DISC1: variants seen among roughly 807,000 people sequenced by gnomAD.
The protein encoded by DISC1 is disrupted in schizophrenia 1 protein.
In DISC1, 57 loss-of-function variants were observed where a neutral mutation model predicts 84.5. That is an observed-to-expected ratio of 0.67 (90% CI 0.55 to 0.84). The LOEUF (loss-of-function observed/expected upper bound fraction) is 0.84. Among genes scored for constraint, DISC1 ranks in the 40% least tolerant of loss-of-function variants. The probability of loss-of-function intolerance (pLI) is 0.00; values close to 1 mark genes in which losing one functional copy is unlikely to be tolerated. For synonymous variants in DISC1, 411 were observed against 415.2 expected, an observed-to-expected ratio of 0.99 and a Z score of 0.12; for missense variants, 1,000 against 1,057.8, an observed-to-expected ratio of 0.95 and a Z score of 0.76.
In DISC1 at chr1:231,767,285, A is replaced by C; in HGVS notation, c.1398+16A>C. 6.2e-7 allele frequency: 1 copy of C among 1,614,090 alleles called. No homozygotes were observed. On this transcript the variant is annotated intron_variant, in intron 5 of 12. Coordinates refer to ENST00000439617, the MANE Select transcript of DISC1 (RefSeq NM_018662.3). ...GCAGCTACAGGTGAGCAGGTGAAAG[A>C]TCTTCAAGAAATATGATGGCATTTT...
At chr1:231,649,100 T>C (rs1094650) in intron 1 of DISC1, among the ~76,000 whole-genome samples, 4,804 of 152,288 alleles carry the variant, frequency 0.032, 245 homozygotes, top group African/African-American at 0.11. Context: ...TTCTACTAGC[T>C]TTTGAATGTG....
At chr1:231,946,862 A>G (rs911684683) in intron 9 of DISC1, among the ~76,000 whole-genome samples, 3 of 152,216 alleles carry the variant, frequency 2.0e-5, no homozygotes, top group African/African-American at 7.2e-5. Flanking sequence ...CATAATTGCT[A>G]CAAAGAGAAT....
intron 4 of DISC1, among the ~76,000 whole-genome samples, chr1:231,751,362 TAACA>T (rs2074584523): frequency 6.6e-6 from 1 of 152,256 alleles, no homozygotes. Context: ...TCTATTTATT[TAACA>T]AACACTTTCA....
At chr1:231,912,919 G>C (rs1306628981) in intron 9 of DISC1, among the ~76,000 whole-genome samples, 2 of 131,184 alleles carry the variant, frequency 1.5e-5, no homozygotes, top group Non-Finnish European at 3.2e-5. Flanking sequence ...CTTTCTTTCT[G>C]TTCTTCTTTT....
intron 9 of DISC1, among the ~76,000 whole-genome samples, chr1:231,932,773 AT>A (rs970819274): frequency 6.6e-6 from 1 of 152,304 alleles, no homozygotes; most frequent in African/African-American, 2.4e-5. Context: ...CTGTGAAGAC[AT>A]TTAAAATTGA....
Position 231,959,010 on chromosome 1 carries a change from A to G in DISC1, c.2042+122A>G, listed in dbSNP as rs574056785. ...TTCTCTAATAAATTAACAAAGAAAG[A>G]CACAAAAAAGCCTTTTGAACCCCAT... is the stretch of plus-strand genomic sequence containing the variant. On this transcript the variant is annotated intron_variant, in intron 10 of 12. Coordinates refer to ENST00000439617, the MANE Select transcript of DISC1 (RefSeq NM_018662.3). 1.3e-4 allele frequency: 183 copies of G among 1,456,868 alleles called. No individual in the cohort carries two copies. The African/African-American group carries it at 2.5e-3, about 20-fold the overall frequency. The allele number at this position is 1,456,868 out of a possible 1,614,324, so 90.2% of individuals were successfully genotyped here.
At chr1:231,690,033 G>T (rs1460963979) in intron 1 of DISC1, among the ~76,000 whole-genome samples, 4 of 152,138 alleles carry the variant, frequency 2.6e-5, no homozygotes, top group Non-Finnish European at 5.9e-5. Flanking sequence ...TTGCTGATCC[G>T]GCTGGTTAAT....
chr1:231,751,212 A>G (rs2074570731), intron 4 of DISC1, among the ~76,000 whole-genome samples: 1 of 152,162 alleles, frequency 6.6e-6, no homozygotes, highest in Non-Finnish European at 1.5e-5. Context: ...CCACTCCCAA[A>G]TTGACTTTCT....
intron 9 of DISC1, among the ~76,000 whole-genome samples, chr1:231,844,995 C>T (rs886845225): frequency 3.3e-5 from 5 of 151,554 alleles, no homozygotes; most frequent in South Asian, 2.1e-4. Context: ...GTCTGGGTTT[C>T]GATAAGGGGT....
intron 9 of DISC1, among the ~76,000 whole-genome samples, chr1:231,926,616 T>C (rs999547119): frequency 6.6e-6 from 1 of 152,216 alleles, no homozygotes; most frequent in African/African-American, 2.4e-5. Flanking sequence ...CAGGGATGAA[T>C]TGACATTTTC....
At chr1:231,990,765 G>C (rs752828126) in intron 10 of DISC1, among the ~76,000 whole-genome samples, 2 of 152,188 alleles carry the variant, frequency 1.3e-5, no homozygotes, top group Admixed American at 6.5e-5. Flanking sequence ...CAGGCCACTA[G>C]CTCTGCTCCT....
In DISC1 at chr1:231,694,141, T is replaced by G. The variant is rs1195601184; in HGVS notation, c.383T>G (p.Leu128Trp). 1 of 1,614,022 alleles carries G rather than the reference T, an allele frequency of 6.2e-7. No homozygotes were observed. Among genetic ancestry groups the G allele is most frequent in the East Asian group, 2.2e-5 (1 of 44,876 alleles). ...ATTCAGCTCAGAGGTGGCACCAGATTGCCTGACAGGCTTAGCTGGCCGTGT... is the reference window on the plus strand; with the variant it reads ...ATTCAGCTCAGAGGTGGCACCAGATGGCCTGACAGGCTTAGCTGGCCGTGT... ...FGIQLRGGTR[L>W]PDRLSWPCGP... Residue 128 changes from leucine to tryptophan, a missense_variant, in exon 2 of 13, where the codon TTG (leucine) becomes TGG (tryptophan). Leu to Trp is a moderately conservative substitution (Grantham distance 61). Transcript: ENST00000439617.
rs1001277319 is a variant in DISC1 at position 232,009,977 on chromosome 1, C to T, written c.2307+928C>T. Among the ~76,000 whole-genome samples the T allele has an allele frequency of 6.6e-6, 1 of 152,178 alleles. No homozygotes were observed. ...GTGGGTGGGGAAATTGCCACCTCCC[C>T]AGGCCAGCCCTGCCAGTCTCACATC... is the stretch of plus-strand genomic sequence containing the variant. On this transcript the variant is annotated intron_variant, in intron 11 of 12. Coordinates refer to ENST00000439617, the MANE Select transcript of DISC1 (RefSeq NM_018662.3). This position sits in a 1 kb window ranked among gnomAD's most constrained non-coding sequence, Gnocchi z 4.6.
rs964565816 is a variant in DISC1, at chr1:231,655,098, A to C, written c.67+28164A>C. ...TCATTTTATGCTTGCAAACCAACAA[A>C]TTCTTTTTTTAAAAAAGTATTTTAA... On this transcript the variant is annotated intron_variant, in intron 1 of 12. Transcript: ENST00000439617. Among the ~76,000 whole-genome samples the C allele has an allele frequency of 3.9e-5, 6 of 152,270 alleles. No individual in the cohort carries two copies. In the East Asian group the frequency reaches 9.7e-4, roughly 25 times the overall value.
chr1:231,942,755 A>G (rs932270235), intron 9 of DISC1, among the ~76,000 whole-genome samples: 13 of 152,224 alleles, frequency 8.5e-5, no homozygotes, highest in African/African-American at 3.1e-4. Flanking sequence ...ACTGTGTTGA[A>G]TACTCTGAGT....
chr1:231,764,081 T>G (rs2075984617), intron 4 of DISC1, among the ~76,000 whole-genome samples: 1 of 152,192 alleles, frequency 6.6e-6, no homozygotes, highest in East Asian at 1.9e-4. Context: ...AGTACAAAGG[T>G]GGCAGACAAG....
chr1:231,803,946 CAAAAAAAAAAAAAAAAA>C (rs59401177), intron 8 of DISC1, among the ~76,000 whole-genome samples: 3 of 55,364 alleles, frequency 5.4e-5, no homozygotes, highest in East Asian at 7.3e-4. Context: ...GACTCCGTCT[CAAAAAAAAAAAAAAAAA>C]AAAAAAAAAA....
intron 7 of DISC1, 107 bp from the exon 8 acceptor site, chr1:231,799,992 TTTTCATCAC>T: frequency 2.9e-6 from 2 of 694,036 alleles, no homozygotes; most frequent in Non-Finnish European, 5.1e-6. Context: ...TTCCAATTAC[TTTTCATCAC>T]CCCTTTTAAT....
chr1:232,011,319 C>T (rs537513842), intron 11 of DISC1, among the ~76,000 whole-genome samples: 1 of 152,262 alleles, frequency 6.6e-6, no homozygotes, highest in South Asian at 2.1e-4. Context: ...AGGGGTCCCC[C>T]AGAAAGCCTC....
Sources: allele counts gnomAD v4.1 joint callset (sites outside exome capture counted in the v4.1 genomes callset), GRCh38; gene constraint gnomAD v4.1.1; non-coding constraint Gnocchi (gnomAD v3.1); transcripts MANE v1.5; gene names NCBI Gene and HGNC (gene_info 2026-07-23, HGNC 2026-07-21).